GDPD5: variants seen among roughly 807,000 people sequenced by gnomAD.
The protein encoded by GDPD5 is glycerophosphodiester phosphodiesterase 2.
A neutral mutation model predicts 75.1 loss-of-function variants in GDPD5; 48 were observed. That is an observed-to-expected ratio of 0.64 (90% CI 0.51 to 0.81). The LOEUF (loss-of-function observed/expected upper bound fraction) is 0.81, where lower values mean the gene tolerates loss of function less well. Ranked by LOEUF, GDPD5 falls within the 40% of genes least tolerant of loss-of-function variation. The pLI is 0.00. For synonymous variants in GDPD5, 336 were observed against 339.0 expected (o/e 0.99, Z 0.10); for missense variants, 706 against 822.6 (o/e 0.86, Z 1.73).
At position 75,439,946 on chromosome 11, in the gene GDPD5, A is replaced by G. The variant is rs1210327850; in HGVS notation, c.1489T>C (p.Cys497Arg). 6.2e-7 allele frequency: 1 copy of G among 1,613,658 alleles called. No homozygotes were observed. The highest frequency in any genetic ancestry group is 8.5e-7 in the Non-Finnish European group (1 of 1,179,798). The change falls in exon 15 of 17, where the codon TGT becomes CGT. Residue 497 changes from cysteine to arginine, a missense_variant. Coordinates refer to ENST00000336898, the MANE Select transcript of GDPD5 (RefSeq NM_030792.8). ...PLWIMPPDEY[C>R]LMWVTADLVS... ...AGGTCGGCAGTGACCCACATGAGAC[A>G]GTACTCGTCCGGGGGCTGTGGACAG...
intron 1 of GDPD5, among the ~76,000 whole-genome samples, chr11:75,520,579 C>T (rs781466594): frequency 6.6e-6 from 1 of 152,180 alleles, no homozygotes; most frequent in Non-Finnish European, 1.5e-5. Context: ...AGTCAGTGTG[C>T]AGAGGGCCAT....
chr11:75,473,170 C>T (rs1949705593), intron 3 of GDPD5, among the ~76,000 whole-genome samples: 1 of 152,012 alleles, frequency 6.6e-6, no homozygotes, highest in Admixed American at 6.5e-5. Context: ...CGAGTGTCTT[C>T]CTGCCAGGGT....
chr11:75,442,554 G>A lies in GDPD5; in HGVS notation c.976C>T (p.Leu326=). Residue 326 remains leucine (L), a synonymous_variant, in exon 12 of 17, where the codon CTG becomes TTG. Coordinates refer to ENST00000336898, the MANE Select transcript of GDPD5 (RefSeq NM_030792.8). ...KTDPFWTASS[L]SPSDHREAQN... is the part of the protein sequence containing the mutation. ...GCCTCTCTGTGGTCGGAGGGTGACA[G>A]GGAGCTGGCTGTCCAGAAGGGGTCA... 6.2e-7 allele frequency: 1 copy of A among 1,614,120 alleles called. No homozygotes were observed. The highest frequency in any genetic ancestry group is 8.5e-7 in the Non-Finnish European group (1 of 1,180,032).
chr11:75,498,037 C>A (rs987919394), intron 1 of GDPD5, among the ~76,000 whole-genome samples: 3 of 151,392 alleles, frequency 2.0e-5, no homozygotes. Context: ...GGTCACACAG[C>A]AGGTGACAGA....
chr11:75,493,260 C>CACACAT (rs1238620054), intron 1 of GDPD5, among the ~76,000 whole-genome samples: 6 of 151,440 alleles, frequency 4.0e-5, no homozygotes, highest in Admixed American at 3.3e-4. Flanking sequence ...CACACACACA[C>CACACAT]ACAAATAAAT....
intron 2 of GDPD5, among the ~76,000 whole-genome samples, chr11:75,489,740 A>AT (rs749421547): frequency 0.063 from 8,799 of 139,254 alleles, 321 homozygotes; most frequent in East Asian, 0.13. Context: ...CTGGGTTTTC[A>AT]TTTTTTTTTT....
At chr11:75,479,751 T>A (rs948301355) in intron 2 of GDPD5, among the ~76,000 whole-genome samples, 1 of 152,158 alleles carries the variant, frequency 6.6e-6, no homozygotes, top group Non-Finnish European at 1.5e-5. Context: ...TCATCCACTT[T>A]CTGTCTCTAT....
chr11:75,453,338 G>A (rs1949212258), intron 6 of GDPD5, among the ~76,000 whole-genome samples: 1 of 152,126 alleles, frequency 6.6e-6, no homozygotes, highest in Non-Finnish European at 1.5e-5. Flanking sequence ...CATACTATAG[G>A]CCAGGCATGG....
At position 75,449,939 on chromosome 11, in the gene GDPD5, C is replaced by A. The variant is rs200381951; in HGVS notation, c.420G>T (p.Ser140=). The A allele has an allele frequency of 2.6e-5, 42 of 1,613,738 alleles. No individual in the cohort carries two copies. The East Asian group carries it at 8.0e-4, about 31-fold the overall frequency. The change falls in exon 7 of 17, where the codon TCG becomes TCT. Residue 140 remains serine, a synonymous_variant. Transcript: ENST00000336898. The part of the protein sequence containing the change: ...VILASTVVAM[S]AVAQLWEDEW... ...CGTCCTCCCACAGCTGGGCCACGGC[C>A]GACATGGCCACCACCGTGGAAGCCA...
rs1203387235 is a variant in GDPD5 at position 75,435,344 on chromosome 11, G to C, written c.*163C>G. The C allele has an allele frequency of 3.3e-5, 19 of 582,956 alleles. No individual in the cohort carries two copies. In the East Asian group the frequency reaches 3.8e-4, roughly 12 times the overall value. The allele number at this position is 582,956 out of a possible 1,614,324, so 36.1% of individuals were successfully genotyped here. ...TGGCCCAGCTGGGCCTCAGGAGACA[G>C]GGAGTCCCCCTCAAGAGAGGCTGCG... is the stretch of plus-strand genomic sequence containing the variant. On this transcript the variant is annotated 3_prime_UTR_variant, in exon 17 of 17. Coordinates refer to ENST00000336898, the MANE Select transcript of GDPD5 (RefSeq NM_030792.8).
At chr11:75,485,987 C>A (rs1308506301) in intron 2 of GDPD5, among the ~76,000 whole-genome samples, 2 of 152,184 alleles carry the variant, frequency 1.3e-5, no homozygotes, top group Non-Finnish European at 2.9e-5. Flanking sequence ...CAACCCCAGC[C>A]CAGCCCTGGG....
rs759769847 is a variant in GDPD5, at chr11:75,449,581, A to G, written c.504T>C (p.Ala168=). 1.6e-5 allele frequency: 25 copies of G among 1,587,978 alleles called. No individual in the cohort carries two copies. The East Asian group carries it at 5.0e-4, about 32-fold the overall frequency. ...AGGAGAGCATGGTGACTGCTGCCAC[A>G]GCCCCCACATGCAGGAATGGCGCTG... is the stretch of plus-strand genomic sequence containing the variant. ...QGTAPFLHVG[A]VAAVTMLSWI... The change falls in exon 8 of 17, where the codon GCT becomes GCC. Residue 168 remains alanine (A), a synonymous_variant. Coordinates refer to ENST00000336898, the MANE Select transcript of GDPD5 (RefSeq NM_030792.8).
At chr11:75,477,468 G>A (rs1949803043) in intron 3 of GDPD5, 151 bp downstream of exon 3, 1 of 458,978 alleles carries the variant, frequency 2.2e-6, no homozygotes, top group African/African-American at 2.0e-5. Flanking sequence ...ATTACTATAA[G>A]CCCATTTTAC....
In GDPD5 at chr11:75,462,881, G is replaced by A. The variant is rs1461727514; in HGVS notation, c.126C>T (p.Arg42=). 3.1e-6 allele frequency: 5 copies of A among 1,613,616 alleles called. No homozygotes were observed. The South Asian group carries it at 4.4e-5, about 14-fold the overall frequency. The change falls in exon 4 of 17, where the codon CGC becomes CGT. Residue 42 remains arginine (R), a synonymous_variant. Coordinates refer to ENST00000336898, the MANE Select transcript of GDPD5 (RefSeq NM_030792.8). The part of the protein sequence containing the change: ...RSHDDTTPWE[R]LWFLLLTFTF... ...TGAAGGTGAGGAGCAGGAACCAGAG[G>A]CGCTCCCACTGGAAGAGCAGAGGAG...
At chr11:75,464,907 T>C (rs1949485705) in intron 3 of GDPD5, among the ~76,000 whole-genome samples, 2 of 152,122 alleles carry the variant, frequency 1.3e-5, no homozygotes, top group Non-Finnish European at 2.9e-5. Context: ...GACTCAGTCC[T>C]GCCTCCCATG....
At chr11:75,449,820 C>A in intron 7 of GDPD5, 65 bp downstream of exon 7, 1 of 1,540,606 alleles carries the variant, frequency 6.5e-7, no homozygotes, top group Non-Finnish European at 9.0e-7. Flanking sequence ...GGGCCTTGGT[C>A]TGGAGAAAGG....
intron 3 of GDPD5, among the ~76,000 whole-genome samples, chr11:75,463,554 G>A (rs546558405): frequency 7.2e-5 from 11 of 152,200 alleles, no homozygotes; most frequent in Admixed American, 2.6e-4. Context: ...GCTTTCATCC[G>A]TCCCCTTATC....
intron 1 of GDPD5, among the ~76,000 whole-genome samples, chr11:75,524,204 C>A (rs1026660561): frequency 6.6e-6 from 1 of 152,224 alleles, no homozygotes; most frequent in Non-Finnish European, 1.5e-5. Context: ...TTCCCCTGCC[C>A]AGAAGAAAAT....
At chr11:75,457,058 C>A (rs1949300436) in intron 5 of GDPD5, among the ~76,000 whole-genome samples, 1 of 152,246 alleles carries the variant, frequency 6.6e-6, no homozygotes, top group Non-Finnish European at 1.5e-5. Flanking sequence ...GATTCCCCGT[C>A]AAGAGGTCAC....
Sources: gnomAD v4.1 joint callset for allele counts (sites outside exome capture counted in the v4.1 genomes callset) on GRCh38, gnomAD v4.1.1 for gene constraint, MANE v1.5 for transcripts, NCBI Gene and HGNC (gene_info 2026-07-23, HGNC 2026-07-21) for gene names.